FREM1: variants seen among roughly 807,000 people sequenced by gnomAD.
FREM1 encodes FRAS1-related extracellular matrix protein 1.
Under a neutral mutation model 210.1 loss-of-function variants are expected in FREM1, and 220 were observed. That is an observed-to-expected ratio of 1.05 (90% CI 0.94 to 1.17). FREM1 has a LOEUF of 1.17. FREM1 is among the 50% of genes most tolerant of loss of function. The pLI is 0.00. For missense variants in FREM1, 3,454 were observed against 2,675.5 expected (o/e 1.29, Z -6.42); for synonymous variants, 1,189 against 980.2 (o/e 1.21, Z -3.98).
At chr9:14,861,054 C>CAT (rs1283869533) in intron 3 of FREM1, among the ~76,000 whole-genome samples, 7 of 71,678 alleles carry the variant, frequency 9.8e-5, no homozygotes, top group African/African-American at 5.2e-4. Context: ...TACATATATA[C>CAT]ATATATACAC....
intron 35 of FREM1, among the ~76,000 whole-genome samples, chr9:14,745,015 G>T (rs1189392861): frequency 6.6e-6 from 1 of 152,164 alleles, no homozygotes; most frequent in Non-Finnish European, 1.5e-5. Flanking sequence ...ACTAATGCAG[G>T]AACAGAAAAC....
At chr9:14,821,446 C>A (rs1821295419) in intron 13 of FREM1, among the ~76,000 whole-genome samples, 1 of 152,180 alleles carries the variant, frequency 6.6e-6, no homozygotes, top group African/African-American at 2.4e-5. Flanking sequence ...GAGCATTTCT[C>A]CATGATTGTT....
chr9:14,855,454 G>A (rs1828560601), intron 5 of FREM1, among the ~76,000 whole-genome samples: 1 of 152,008 alleles, frequency 6.6e-6, no homozygotes. Flanking sequence ...ATGAGTGAAG[G>A]ATCATTTGGT....
At position 14,842,459 on chromosome 9, in the gene FREM1, A is replaced by G; in HGVS notation, c.1595T>C (p.Leu532Pro). 6.2e-7 allele frequency: 1 copy of G among 1,614,000 alleles called. No individual in the cohort carries two copies. The highest frequency in any genetic ancestry group is 1.1e-5 in the South Asian group (1 of 91,086). Reference sequence around the variant, plus strand: ...GATCAGGATGGTCTGCCCCTCCTCCAGTTCAATCACAACATTGGTTATGAG... The same window carrying G: ...GATCAGGATGGTCTGCCCCTCCTCCGGTTCAATCACAACATTGGTTATGAG... The part of the protein sequence containing the change: ...PFLITNVVIE[L>P]EEGQTILIQG... Residue 532 changes from leucine (L) to proline (P), a missense_variant, in exon 9 of 37, where the codon CTG (leucine) becomes CCG (proline). Transcript: ENST00000380880.
intron 1 of FREM1, among the ~76,000 whole-genome samples, chr9:14,900,378 T>C (rs1466371600): frequency 6.6e-6 from 1 of 152,234 alleles, no homozygotes; most frequent in Non-Finnish European, 1.5e-5. Flanking sequence ...TATTCTCCTC[T>C]AAGTATGACA....
At chr9:14,852,972 C>T (rs986993233) in intron 5 of FREM1, among the ~76,000 whole-genome samples, 2 of 152,108 alleles carry the variant, frequency 1.3e-5, no homozygotes, top group African/African-American at 4.8e-5. Flanking sequence ...CTTTCTTGCC[C>T]ATATAAGAAT....
intron 1 of FREM1, among the ~76,000 whole-genome samples, chr9:14,897,713 C>T (rs1232129418): frequency 6.6e-6 from 1 of 152,062 alleles, no homozygotes; most frequent in Non-Finnish European, 1.5e-5. Context: ...ACCTCAGCTT[C>T]CTGAGTAGCT....
At chr9:14,754,494 C>T (rs551555295) in intron 29 of FREM1, among the ~76,000 whole-genome samples, 7 of 152,226 alleles carry the variant, frequency 4.6e-5, no homozygotes, top group African/African-American at 1.7e-4. Flanking sequence ...GGCTGAATGG[C>T]GTTTCTAAAA....
intron 3 of FREM1, among the ~76,000 whole-genome samples, chr9:14,860,546 C>CATATATATATCCACAT (rs374788202): frequency 9.5e-6 from 1 of 104,922 alleles, no homozygotes; most frequent in Admixed American, 9.8e-5. Flanking sequence ...TATATATACA[C>CATATATATATCCACAT]ATATATATAC....
intron 1 of FREM1, among the ~76,000 whole-genome samples, chr9:14,894,499 T>A (rs537920995): frequency 2.4e-4 from 37 of 152,354 alleles, no homozygotes; most frequent in African/African-American, 8.4e-4. Context: ...CACATTAGAA[T>A]AGAGGAAAGC....
At chr9:14,748,238 C>A (rs951204474) in intron 31 of FREM1, among the ~76,000 whole-genome samples, 163 bp downstream of exon 31, 1 of 152,226 alleles carries the variant, frequency 6.6e-6, no homozygotes, top group Non-Finnish European at 1.5e-5. Context: ...GCCTCAAGAT[C>A]TTTGTATACA....
chr9:14,842,316 C>A lies in FREM1; in HGVS notation c.1738G>T (p.Gly580Cys). The A allele has an allele frequency of 1.3e-6, 2 of 1,541,276 alleles. No individual in the cohort carries two copies. Among genetic ancestry groups the A allele is most frequent in the Non-Finnish European group, 1.8e-6 (2 of 1,136,308 alleles). The change falls in exon 9 of 37, where the codon GGC becomes TGC. Residue 580 changes from glycine (G) to cysteine (C), a missense_variant and splice_region_variant. Coordinates refer to ENST00000380880, the MANE Select transcript of FREM1 (RefSeq NM_001379081.2). ...ATGATCTTAACTGCCCAGAACTTAC[C>A]TATCAGTCCTGGCCCTGGCTTCTTC... ...IMKKPGPGLI[G>C]YPVHGFLQRD...
At chr9:14,814,909 T>C (rs1472216630) in intron 15 of FREM1, among the ~76,000 whole-genome samples, 1 of 152,230 alleles carries the variant, frequency 6.6e-6, no homozygotes, top group Non-Finnish European at 1.5e-5. Context: ...ATGCACTGCC[T>C]ATTGTCATGG....
At chr9:14,816,119 A>G (rs1588144606) in intron 15 of FREM1, among the ~76,000 whole-genome samples, 1 of 152,290 alleles carries the variant, frequency 6.6e-6, no homozygotes. Flanking sequence ...AACCTGCCCC[A>G]CTGCTAAACA....
chr9:14,829,487 G>A (rs780134384), intron 10 of FREM1, among the ~76,000 whole-genome samples: 31 of 152,106 alleles, frequency 2.0e-4, no homozygotes, highest in Non-Finnish European at 4.0e-4. Flanking sequence ...GTGTTTAGAG[G>A]AGGGGCCCAA....
Position 14,816,809 on chromosome 9 carries a change from G to C in FREM1, c.2609C>G (p.Thr870Arg). 6.9e-7 allele frequency: 1 copy of C among 1,439,036 alleles called. No individual in the cohort carries two copies. Among genetic ancestry groups the C allele is most frequent in the Non-Finnish European group, 9.4e-7 (1 of 1,068,408 alleles). 89.1% of individuals were successfully genotyped at this position (1,439,036 alleles called of 1,614,324 possible). ...ATGTAGTACAAATTCTGCTGAATTT[G>C]TGCCATCGGTGACCTCCAAGAGTAG... ...DDLLLEVTDG[T>R]NSAEFVLHVE... The change falls in exon 15 of 37, where the codon ACA becomes AGA. Residue 870 changes from threonine to arginine, a missense_variant. Thr to Arg is a moderately conservative substitution (Grantham distance 71). Transcript: ENST00000380880.
At chr9:14,752,028 C>G (rs72709538) in intron 29 of FREM1, among the ~76,000 whole-genome samples, 1 of 149,688 alleles carries the variant, frequency 6.7e-6, no homozygotes, top group Non-Finnish European at 1.5e-5. Flanking sequence ...CCATACAATT[C>G]CCATCTCATG....
chr9:14,810,108 T>C (rs1819130939), intron 16 of FREM1, among the ~76,000 whole-genome samples: 1 of 152,088 alleles, frequency 6.6e-6, no homozygotes, highest in Non-Finnish European at 1.5e-5. Context: ...GCTGGCTTTG[T>C]GCTGAGCATT....
chr9:14,783,004 C>A (rs1458231100), intron 24 of FREM1, among the ~76,000 whole-genome samples: 1 of 152,144 alleles, frequency 6.6e-6, no homozygotes, highest in Non-Finnish European at 1.5e-5. Context: ...AAAAGGAATC[C>A]CCACATCTCA....
Sources: allele counts gnomAD v4.1 joint callset (sites outside exome capture counted in the v4.1 genomes callset), GRCh38; gene constraint gnomAD v4.1.1; transcripts MANE v1.5; gene names NCBI Gene and HGNC (gene_info 2026-07-23, HGNC 2026-07-21).